RERE: variants seen among roughly 807,000 people sequenced by gnomAD.
The protein encoded by RERE is arginine-glutamic acid dipeptide repeats, also known as arginine-glutamic acid dipeptide repeats protein.
In RERE, 40 loss-of-function variants were observed where a neutral mutation model predicts 146.1. The observed-to-expected ratio is 0.27, with a 90% CI of 0.21 to 0.36. The LOEUF (loss-of-function observed/expected upper bound fraction) is 0.36. Among genes scored for constraint, RERE ranks in the 10% least tolerant of loss-of-function variants. RERE has a pLI of 1.00. For missense variants in RERE, 1,933 were observed against 2,138.7 expected (o/e 0.90, Z 1.90); for synonymous variants, 1,003 against 866.0 (o/e 1.16, Z -2.78).
intron 10 of RERE, among the ~76,000 whole-genome samples, chr1:8,475,346 C>A (rs1013211891): frequency 3.3e-5 from 5 of 149,630 alleles, no homozygotes; most frequent in Admixed American, 6.7e-5. Context: ...TGCACGCCAG[C>A]CTGGGTGACA....
chr1:8,728,764 T>G (rs560962789), intron 1 of RERE, among the ~76,000 whole-genome samples: 1 of 152,318 alleles, frequency 6.6e-6, no homozygotes, highest in African/African-American at 2.4e-5. Context: ...TCCCATCCAG[T>G]AGATAAAAAC....
At chr1:8,757,510 A>G (rs1640666025) in intron 1 of RERE, among the ~76,000 whole-genome samples, 1 of 152,202 alleles carries the variant, frequency 6.6e-6, no homozygotes, top group African/African-American at 2.4e-5. Flanking sequence ...CCATAAACTT[A>G]TCAGAGGAAC....
chr1:8,406,283 G>A (rs116963104), intron 12 of RERE, among the ~76,000 whole-genome samples: 2 of 151,998 alleles, frequency 1.3e-5, no homozygotes, highest in African/African-American at 2.4e-5. Flanking sequence ...ATGTTGCCCA[G>A]ACTGGTCTCG....
At position 8,355,545 on chromosome 1, in the gene RERE, G is replaced by A. The variant is rs1484507221; in HGVS notation, c.4541C>T (p.Ala1514Val). The A allele has an allele frequency of 1.2e-6, 2 of 1,606,948 alleles. No individual in the cohort carries two copies. The highest frequency in any genetic ancestry group is 1.1e-5 in the South Asian group (1 of 90,710). ...GGCATGCATGGCCTGCAGCTGGTGG[G>A]CTGCTGACATGGGGGGTGGGATGGC... ...PGAIPPPMSAAHQLQAMHAQS... is the reference protein window; with the variant it reads ...PGAIPPPMSAVHQLQAMHAQS... Residue 1514 changes from alanine (A) to valine (V), a missense_variant, in exon 22 of 23, where the codon GCC becomes GTC. By Grantham distance (64) the Ala-to-Val change is moderately conservative. Coordinates refer to ENST00000400908, the MANE Select transcript of RERE (RefSeq NM_001042681.2).
At chr1:8,528,748 C>G (rs1400676940) in intron 7 of RERE, among the ~76,000 whole-genome samples, 1 of 152,152 alleles carries the variant, frequency 6.6e-6, no homozygotes, top group African/African-American at 2.4e-5. Flanking sequence ...AAACACTCTT[C>G]TAACCCCAAG....
chr1:8,601,734 T>C (rs1646631609), intron 4 of RERE, among the ~76,000 whole-genome samples: 1 of 72,436 alleles, frequency 1.4e-5, no homozygotes, highest in Non-Finnish European at 2.6e-5. Flanking sequence ...ATGTCCAAGG[T>C]CAACACACAC....
At position 8,360,662 on chromosome 1, in the gene RERE, G is replaced by C; in HGVS notation, c.2845C>G (p.Pro949Ala). 6.5e-7 allele frequency: 1 copy of C among 1,539,994 alleles called. No homozygotes were observed. Among genetic ancestry groups the C allele is most frequent in the Non-Finnish European group, 8.7e-7 (1 of 1,144,634 alleles). The part of the protein sequence containing the change: ...LPAPQAHKHP[P>A]HLSGPSPFSM... Reference sequence around the variant, plus strand: ...AAGGGTGAGGGCCCCGAGAGGTGGGGAGGGTGCTTGTGGGCCTGTGGCGCC... The same window carrying C: ...AAGGGTGAGGGCCCCGAGAGGTGGGCAGGGTGCTTGTGGGCCTGTGGCGCC... Residue 949 changes from proline (P) to alanine (A), a missense_variant, in exon 18 of 23, where the codon CCC becomes GCC. Coordinates refer to ENST00000400908, the MANE Select transcript of RERE (RefSeq NM_001042681.2).
At chr1:8,453,219 A>G (rs1644409161) in intron 11 of RERE, among the ~76,000 whole-genome samples, 1 of 152,218 alleles carries the variant, frequency 6.6e-6, no homozygotes, top group African/African-American at 2.4e-5. Flanking sequence ...GGTTGTCTCA[A>G]AGGACGATCT....
At chr1:8,702,500 A>G (rs942708620) in intron 1 of RERE, among the ~76,000 whole-genome samples, 2 of 152,214 alleles carry the variant, frequency 1.3e-5, no homozygotes, top group African/African-American at 4.8e-5. Flanking sequence ...ACGTAAAACA[A>G]TCGTCAAGAG....
intron 2 of RERE, among the ~76,000 whole-genome samples, chr1:8,633,454 GACACAC>G (rs375248484): frequency 3.3e-3 from 495 of 150,580 alleles, no homozygotes; most frequent in Non-Finnish European, 5.0e-3. Context: ...CACACACACA[GACACAC>G]ACACACACAC....
chr1:8,372,891 C>G (rs1375496120), intron 12 of RERE, among the ~76,000 whole-genome samples: 2 of 152,232 alleles, frequency 1.3e-5, no homozygotes, highest in Non-Finnish European at 2.9e-5. Flanking sequence ...CAATGGGCAC[C>G]CTTTCTGGGC....
chr1:8,442,597 A>ATC (rs1443981499), intron 11 of RERE, among the ~76,000 whole-genome samples: 3 of 152,016 alleles, frequency 2.0e-5, no homozygotes, highest in Non-Finnish European at 4.4e-5. Context: ...AAATCACCCA[A>ATC]TCTCTGGTGT....
intron 4 of RERE, among the ~76,000 whole-genome samples, chr1:8,561,541 T>G (rs1646078551): frequency 6.6e-6 from 1 of 152,206 alleles, no homozygotes; most frequent in African/African-American, 2.4e-5. Flanking sequence ...AACAAAATTG[T>G]TTCTATGCTC....
At chr1:8,779,126 C>A (rs1166346865) in intron 1 of RERE, among the ~76,000 whole-genome samples, 34 of 151,828 alleles carry the variant, frequency 2.2e-4, no homozygotes, top group South Asian at 6.2e-4. Flanking sequence ...GGATTACAGG[C>A]ATGAGCCACC....
intron 11 of RERE, among the ~76,000 whole-genome samples, chr1:8,438,816 A>C (rs1644206218): frequency 1.3e-5 from 2 of 152,220 alleles, no homozygotes; most frequent in South Asian, 4.1e-4. Context: ...AACTAAGTAA[A>C]AATATTAACT....
chr1:8,554,022 C>A (rs563528009), intron 6 of RERE, among the ~76,000 whole-genome samples: 1 of 151,882 alleles, frequency 6.6e-6, no homozygotes, highest in South Asian at 2.1e-4. Flanking sequence ...ACTAAAAATA[C>A]AAAAATTAGC....
At chr1:8,621,947 G>A (rs937845430) in intron 3 of RERE, among the ~76,000 whole-genome samples, 3 of 152,160 alleles carry the variant, frequency 2.0e-5, no homozygotes, top group Non-Finnish European at 1.5e-5. Flanking sequence ...TTCATCATCT[G>A]TTGTTCTTAC....
At chr1:8,782,070 GCTATA>G (rs1641174839) in intron 1 of RERE, among the ~76,000 whole-genome samples, 1 of 152,050 alleles carries the variant, frequency 6.6e-6, no homozygotes, top group African/African-American at 2.4e-5. Context: ...TCAAAAAGGT[GCTATA>G]CTCACTCTCT....
intron 12 of RERE, among the ~76,000 whole-genome samples, chr1:8,391,703 A>T (rs957120512): frequency 6.6e-6 from 1 of 152,200 alleles, no homozygotes; most frequent in Admixed American, 6.5e-5. Context: ...TTATAATTAT[A>T]TATCTAATTA....
Sources: gnomAD v4.1 joint callset for allele counts (sites outside exome capture counted in the v4.1 genomes callset) on GRCh38, gnomAD v4.1.1 for gene constraint, MANE v1.5 for transcripts, NCBI Gene and HGNC (gene_info 2026-07-23, HGNC 2026-07-21) for gene names.